Variants in ANP32A observed in about 807,000 individuals in gnomAD.
The protein encoded by ANP32A is acidic nuclear phosphoprotein 32 family member A, also known as acidic leucine-rich nuclear phosphoprotein 32 family member A.
Under a neutral mutation model 33.9 loss-of-function variants are expected in ANP32A, and 1 was observed. That is an observed-to-expected ratio of 0.03 (90% CI 0.01 to 0.14). The LOEUF (loss-of-function observed/expected upper bound fraction) is 0.14, where lower values mean the gene tolerates loss of function less well. Ranked by LOEUF, ANP32A falls within the 10% of genes least tolerant of loss-of-function variation. The probability of loss-of-function intolerance (pLI) is 1.00; values close to 1 mark genes in which losing one functional copy is unlikely to be tolerated. For synonymous variants in ANP32A, 115 were observed against 120.5 expected (o/e 0.95, Z 0.30); for missense variants, 155 against 306.0 (o/e 0.51, Z 3.68).
intron 2 of ANP32A, 70 bp from the exon 3 acceptor site, chr15:68,787,605 G>A (rs560115289): frequency 1.2e-4 from 196 of 1,608,302 alleles, no homozygotes; most frequent in South Asian, 6.2e-4. Flanking sequence ...AGAGCTGCCC[G>A]GCTTTCCCCA....
chr15:68,820,176 TTG>T (rs1310943642), intron 1 of ANP32A, among the ~76,000 whole-genome samples: 1 of 151,630 alleles, frequency 6.6e-6, no homozygotes, highest in East Asian at 1.9e-4. Flanking sequence ...CCCAAACTTA[TTG>T]TGTGTGCGAG....
intron 1 of ANP32A, among the ~76,000 whole-genome samples, chr15:68,807,845 C>T (rs942698520): frequency 3.3e-5 from 5 of 152,162 alleles, no homozygotes; most frequent in Admixed American, 3.3e-4. Context: ...CCTGGGCCCC[C>T]GCCCTTTTAC....
chr15:68,800,937 T>A (rs1335685867), intron 1 of ANP32A, among the ~76,000 whole-genome samples: 2 of 151,624 alleles, frequency 1.3e-5, no homozygotes, highest in African/African-American at 4.8e-5. Flanking sequence ...GTGGGTGGCA[T>A]GCTTGGCCTT....
At chr15:68,795,974 G>A (rs1406426145) in intron 1 of ANP32A, among the ~76,000 whole-genome samples, 1 of 152,200 alleles carries the variant, frequency 6.6e-6, no homozygotes, top group East Asian at 1.9e-4. Context: ...AGAAGGGAAG[G>A]AGGGGTTTTG....
intron 1 of ANP32A, among the ~76,000 whole-genome samples, chr15:68,808,594 T>C (rs1894270691): frequency 2.6e-5 from 4 of 152,222 alleles, no homozygotes; most frequent in Admixed American, 2.6e-4. Context: ...CACCCGTCCA[T>C]TCAGTTACAC....
At chr15:68,796,073 A>G (rs1345299970) in intron 1 of ANP32A, among the ~76,000 whole-genome samples, 1 of 152,064 alleles carries the variant, frequency 6.6e-6, no homozygotes, top group Non-Finnish European at 1.5e-5. Flanking sequence ...CCCAGTGAAA[A>G]TCTTACAGAC....
intron 1 of ANP32A, chr15:68,801,837 C>A (rs1894141247): frequency 1.3e-5 from 2 of 154,644 alleles, no homozygotes; most frequent in African/African-American, 4.8e-5. Context: ...GAGGTGTGTG[C>A]TCAGAGGATA....
At chr15:68,785,455 G>A (rs1247118555) in intron 3 of ANP32A, among the ~76,000 whole-genome samples, 1 of 152,162 alleles carries the variant, frequency 6.6e-6, no homozygotes, top group Non-Finnish European at 1.5e-5. Flanking sequence ...ATCCCAGGCT[G>A]AGTCCCCATT....
chr15:68,796,955 A>T (rs1253845429), intron 1 of ANP32A, among the ~76,000 whole-genome samples: 1 of 152,112 alleles, frequency 6.6e-6, no homozygotes, highest in Admixed American at 6.5e-5. Flanking sequence ...GGCCAATTTC[A>T]TGGGTCAAGG....
intron 1 of ANP32A, among the ~76,000 whole-genome samples, chr15:68,817,897 GAC>G (rs1894407774): frequency 6.6e-6 from 1 of 152,078 alleles, no homozygotes; most frequent in Admixed American, 6.5e-5. Flanking sequence ...CCCCCACAGC[GAC>G]AACAGCCACG....
intron 1 of ANP32A, among the ~76,000 whole-genome samples, chr15:68,807,341 C>T (rs1178962968): frequency 2.0e-5 from 3 of 148,288 alleles, no homozygotes; most frequent in South Asian, 2.1e-4. Flanking sequence ...TGAGCCAGCG[C>T]GACAGCCCCC....
intron 4 of ANP32A, 99 bp downstream of exon 4, chr15:68,784,298 G>T: frequency 7.3e-7 from 1 of 1,361,370 alleles, no homozygotes; most frequent in Non-Finnish European, 1.0e-6. Flanking sequence ...CTGGGTGGGG[G>T]CCTCCCAACA....
Position 68,787,672 on chromosome 15 carries a change from C to T in ANP32A, c.204+98G>A. The stretch of plus-strand genomic sequence containing the variant: ...ATTGTCTGGCATGTTGGTGCAAGCA[C>T]CCGGCTTTCCCTTCAATTACTCTTT... On this transcript the variant is annotated intron_variant, in intron 2 of 6. Coordinates refer to ENST00000465139, the MANE Select transcript of ANP32A (RefSeq NM_006305.4). 5.0e-6 allele frequency: 8 copies of T among 1,593,174 alleles called. No individual in the cohort carries two copies. In the Admixed American group the frequency reaches 1.2e-4, roughly 24 times the overall value.
intron 1 of ANP32A, chr15:68,801,810 C>T (rs1894140237): frequency 7.5e-6 from 1 of 133,480 alleles, no homozygotes; most frequent in Non-Finnish European, 1.7e-5. Context: ...GGAGGAAGAA[C>T]CAACTGAGTC....
intron 1 of ANP32A, chr15:68,792,205 GA>G (rs1161227695): frequency 6.6e-6 from 1 of 151,666 alleles, no homozygotes; most frequent in African/African-American, 2.4e-5. Flanking sequence ...AAATTAAACT[GA>G]AAATTTGTAC....
rs2140379087 is a variant in ANP32A at position 68,820,850 on chromosome 15, C to A, written c.-99G>T. The A allele has an allele frequency of 7.0e-7, 1 of 1,436,960 alleles. No individual in the cohort carries two copies. The highest frequency in any genetic ancestry group is 9.7e-7 in the Non-Finnish European group (1 of 1,030,680). The allele number at this position is 1,436,960 out of a possible 1,614,324, so 89.0% of individuals were successfully genotyped here. The stretch of plus-strand genomic sequence containing the variant: ...GCGTTTTAGGACTTTGAAGGCTCAA[C>A]CAGCTCCGCTCGGTTCTCGAGCCCC... On this transcript the variant is annotated 5_prime_UTR_variant, in exon 1 of 7. Transcript: ENST00000465139.
intron 1 of ANP32A, among the ~76,000 whole-genome samples, chr15:68,816,490 TTGCTATG>T: frequency 6.6e-6 from 1 of 152,336 alleles, no homozygotes; most frequent in South Asian, 2.1e-4. Flanking sequence ...CACAGCGTGG[TTGCTATG>T]TAAGCACTAG....
In ANP32A at chr15:68,779,918, C is replaced by T. The variant is rs1893843312; in HGVS notation, c.*163G>A. On this transcript the variant is annotated 3_prime_UTR_variant, in exon 7 of 7. Transcript: ENST00000465139. ...TATTCCACCCCCACCCGCCATCCCT[C>T]CCCCCGCAACCCCCAGTACACTCTT... The T allele has an allele frequency of 3.0e-6, 1 of 335,354 alleles. No individual in the cohort carries two copies. Among genetic ancestry groups the T allele is most frequent in the Non-Finnish European group, 5.6e-6 (1 of 178,406 alleles). 20.8% of individuals were successfully genotyped at this position (335,354 alleles called of 1,614,324 possible).
At chr15:68,782,931 GC>G (rs1893887724) in intron 5 of ANP32A, 24 bp downstream of exon 5, 1 of 1,550,672 alleles carries the variant, frequency 6.4e-7, no homozygotes, top group African/African-American at 1.4e-5. Context: ...GCAGACGGTG[GC>G]CCTGCCCAGC....
Sources: allele counts gnomAD v4.1 joint callset (sites outside exome capture counted in the v4.1 genomes callset), GRCh38; gene constraint gnomAD v4.1.1; transcripts MANE v1.5; gene names NCBI Gene and HGNC (gene_info 2026-07-23, HGNC 2026-07-21).